Variants in CCDC32 observed in about 807,000 individuals in gnomAD.
CCDC32 encodes coiled-coil domain containing 32, also known as coiled-coil domain-containing protein 32.
CCDC32 carries 9 observed loss-of-function variants against 20.1 expected under a neutral mutation model. The observed-to-expected ratio is 0.45, with a 90% CI of 0.27 to 0.78. The LOEUF is 0.78. CCDC32 is among the 30% of genes least tolerant of loss of function. The pLI, the probability that CCDC32 is intolerant of heterozygous loss-of-function variation, is 0.16. For missense variants in CCDC32, 204 were observed against 215.5 expected, an observed-to-expected ratio of 0.95 and a Z score of 0.33; for synonymous variants, 63 against 79.0, an observed-to-expected ratio of 0.80 and a Z score of 1.07.
chr15:40,551,809 C>CAAA (rs59499493), downstream of CCDC32, among the ~76,000 whole-genome samples: 37 of 96,346 alleles, frequency 3.8e-4, 2 homozygotes, highest in East Asian at 3.2e-3. Context: ...GACCCTGTCT[C>CAAA]AAAAAAAAAA....
intron 1 of CCDC32, among the ~76,000 whole-genome samples, chr15:40,563,538 A>T (rs1309360815): frequency 6.6e-6 from 1 of 152,152 alleles, no homozygotes; most frequent in African/African-American, 2.4e-5. Context: ...TTACTGTTTA[A>T]TGGGTACACA....
chr15:40,530,757 C>T (rs2141596221), downstream of CCDC32, among the ~76,000 whole-genome samples: 2 of 149,412 alleles, frequency 1.3e-5, no homozygotes, highest in Admixed American at 1.3e-4. Context: ...CTCACTCTGT[C>T]ACCCAGGCTG....
At chr15:40,557,485 A>C in intron 2 of CCDC32, 113 bp from the exon 3 acceptor site, 8 of 1,019,478 alleles carry the variant, frequency 7.8e-6, no homozygotes, top group Non-Finnish European at 9.6e-6. Context: ...GGACATCCAC[A>C]CTCCCTGCCA....
chr15:40,521,102 G>A, the CCDC32 span, among the ~76,000 whole-genome samples: 6 of 152,090 alleles, frequency 3.9e-5, no homozygotes, highest in African/African-American at 1.2e-4. Flanking sequence ...GGAGGAAAAC[G>A]GGTTGGTCTT....
downstream of CCDC32, chr15:40,535,212 G>C (rs569276893): frequency 7.1e-7 from 1 of 1,415,214 alleles, no homozygotes; most frequent in African/African-American, 1.4e-5. Flanking sequence ...GCAGAGGTGG[G>C]GAGGCCACTT....
In CCDC32 at chr15:40,562,827, T is replaced by G. The variant is rs1471574173; in HGVS notation, c.189A>C (p.Pro63=). The change falls in exon 2 of 4, where the codon CCA becomes CCC. Residue 63 remains proline, a synonymous_variant. Transcript: ENST00000416810. ...GCAAGGGAGCCCAAGGCTTTACAGC[T>G]GGCTGGACAGCAAAGTCAGCCACCT... ...QREVADFAVQ[P]AVKPWAPLQD... 6.2e-7 allele frequency: 1 copy of G among 1,614,248 alleles called. No individual in the cohort carries two copies. The highest frequency in any genetic ancestry group is 8.5e-7 in the Non-Finnish European group (1 of 1,180,048).
Position 40,562,987 on chromosome 15 carries a change from G to A in CCDC32, c.29C>T (p.Thr10Ile), listed in dbSNP as rs756280285. 28 of 1,614,220 alleles carry A rather than the reference G, an allele frequency of 1.7e-5. No individual in the cohort carries two copies. Among genetic ancestry groups the A allele is most frequent in the Non-Finnish European group, 1.6e-5 (19 of 1,180,044 alleles). Reference sequence around the variant, plus strand: ...GAGATCCTGGCCAGATCTTGTGGCTGTAGAGTCAGCGCTCTCAAACATTTT... The same window carrying A: ...GAGATCCTGGCCAGATCTTGTGGCTATAGAGTCAGCGCTCTCAAACATTTT... The part of the protein sequence containing the change: MKMFESADS[T>I]ATRSGQDLWA... Residue 10 changes from threonine (T) to isoleucine (I), a missense_variant, in exon 2 of 4, where the codon ACA (threonine) becomes ATA (isoleucine). Physicochemically the swap from Thr to Ile is moderately conservative, Grantham distance 89. Transcript: ENST00000416810.
Position 40,553,916 on chromosome 15 carries a change from G to T in CCDC32, c.*55C>A. ...AGACAGCTGCTCGGCGTGTGTGTGTGTGTGTGTGTGTGTGTGTGTGTGTGT... is the reference window on the plus strand; with the variant it reads ...AGACAGCTGCTCGGCGTGTGTGTGTTTGTGTGTGTGTGTGTGTGTGTGTGT... On this transcript the variant is annotated 3_prime_UTR_variant, in exon 4 of 4. Transcript: ENST00000416810. 7.4e-6 allele frequency: 1 copy of T among 135,612 alleles called. No individual in the cohort carries two copies. The allele number at this position is 135,612 out of a possible 1,614,324, so 8.4% of individuals were successfully genotyped here. A position where few individuals can be genotyped will look rare whatever the true frequency, so the allele number is the denominator to read the frequency against.
chr15:40,525,320 G>A (rs1002817629), downstream of CCDC32, among the ~76,000 whole-genome samples: 2 of 151,940 alleles, frequency 1.3e-5, no homozygotes, highest in African/African-American at 2.4e-5. Flanking sequence ...GAGCCACTGC[G>A]CCCGGCCAAT....
chr15:40,552,481 CAAAAA>C (rs58360713), downstream of CCDC32, among the ~76,000 whole-genome samples: 59 of 94,320 alleles, frequency 6.3e-4, no homozygotes, highest in Admixed American at 9.9e-4. Context: ...AACTCCATCT[CAAAAA>C]AAAAAAAAAA....
chr15:40,530,107 C>T (rs1024883325), downstream of CCDC32, among the ~76,000 whole-genome samples: 2 of 150,900 alleles, frequency 1.3e-5, no homozygotes, highest in African/African-American at 2.4e-5. Flanking sequence ...GCCTGGCCAA[C>T]ATGGTGAAAC....
chr15:40,523,810 A>C (rs914469181), downstream of CCDC32, among the ~76,000 whole-genome samples: 4 of 152,234 alleles, frequency 2.6e-5, no homozygotes, highest in African/African-American at 9.6e-5. Context: ...GTCCTGATGA[A>C]CACATGGAAC....
At chr15:40,535,360 A>C (rs1889066076), downstream of CCDC32, 3 of 1,115,364 alleles carry the variant, frequency 2.7e-6, no homozygotes, top group Admixed American at 1.3e-4. Context: ...TAAAGTCTGC[A>C]CTGAACAGAA....
downstream of CCDC32, among the ~76,000 whole-genome samples, chr15:40,551,210 G>A (rs1221829516): frequency 7.2e-5 from 11 of 152,178 alleles, no homozygotes; most frequent in East Asian, 1.4e-3. Context: ...GTGAAACCCC[G>A]TCTCTACTAA....
At chr15:40,534,818 A>T, downstream of CCDC32, 2 of 692,238 alleles carry the variant, frequency 2.9e-6, no homozygotes, top group Non-Finnish European at 5.3e-6. Context: ...CCATCACATC[A>T]GGATTAGTGT....
At chr15:40,532,753 A>T (rs1888937835), downstream of CCDC32, among the ~76,000 whole-genome samples, 1 of 114,604 alleles carries the variant, frequency 8.7e-6, no homozygotes. Flanking sequence ...AGAGAATCTC[A>T]CTCTGTCACC....
intron 1 of CCDC32, among the ~76,000 whole-genome samples, chr15:40,563,677 AACACACACACACACAC>A (rs59483012): frequency 7.7e-6 from 1 of 129,704 alleles, no homozygotes; most frequent in African/African-American, 2.6e-5. Context: ...CATATATTTT[AACACACACACACACAC>A]ACACACACAC....
chr15:40,554,951 G>C (rs1890140506), intron 3 of CCDC32, among the ~76,000 whole-genome samples: 1 of 152,164 alleles, frequency 6.6e-6, no homozygotes, highest in African/African-American at 2.4e-5. Context: ...GTATATGGGG[G>C]AATTTATGTT....
chr15:40,522,154 C>T, the CCDC32 span, among the ~76,000 whole-genome samples: 1 of 152,078 alleles, frequency 6.6e-6, no homozygotes, highest in Non-Finnish European at 1.5e-5. Context: ...GATAGGGGTC[C>T]AATTTCATTC....
Sources: gnomAD v4.1 joint callset for allele counts (sites outside exome capture counted in the v4.1 genomes callset) on GRCh38, gnomAD v4.1.1 for gene constraint, MANE v1.5 for transcripts, NCBI Gene and HGNC (gene_info 2026-07-23, HGNC 2026-07-21) for gene names.